Variants in DOCK5 observed in about 807,000 individuals in gnomAD.
The protein encoded by DOCK5 is dedicator of cytokinesis protein 5.
Under a neutral mutation model 251.8 loss-of-function variants are expected in DOCK5, and 142 were observed. That is an observed-to-expected ratio of 0.56 (90% CI 0.49 to 0.65). The LOEUF is 0.65. Ranked by LOEUF, DOCK5 falls within the 30% of genes least tolerant of loss-of-function variation. The pLI is 0.00. For missense variants in DOCK5, 2,111 were observed against 2,312.3 expected (o/e 0.91, Z 1.79); for synonymous variants, 842 against 835.5 (o/e 1.01, Z -0.13).
chr8:25,374,541 C>G, intron 36 of DOCK5, 23 bp from the exon 37 acceptor site: 11 of 1,584,340 alleles, frequency 6.9e-6, no homozygotes, highest in African/African-American at 1.4e-5. Context: ...TGACAAAATG[C>G]TTCCTTCTCC....
intron 28 of DOCK5, among the ~76,000 whole-genome samples, chr8:25,360,858 C>G (rs1800665374): frequency 6.6e-6 from 1 of 151,978 alleles, no homozygotes; most frequent in Non-Finnish European, 1.5e-5. Flanking sequence ...AATTTGGCTC[C>G]ATTGTTAAGT....
At chr8:25,278,742 C>A in intron 5 of DOCK5, 77 bp downstream of exon 5, 1 of 1,322,858 alleles carries the variant, frequency 7.6e-7, no homozygotes, top group Non-Finnish European at 1.1e-6. Context: ...AGGGTGTTGG[C>A]CCCTTATTGC....
intron 1 of DOCK5, among the ~76,000 whole-genome samples, chr8:25,205,168 G>A (rs1417405490): frequency 6.6e-6 from 1 of 152,190 alleles, no homozygotes; most frequent in East Asian, 1.9e-4. Flanking sequence ...AAAATGCTTG[G>A]ATTACAGGTG....
intron 16 of DOCK5, among the ~76,000 whole-genome samples, chr8:25,321,892 A>G (rs1326219979): frequency 6.6e-6 from 1 of 152,212 alleles, no homozygotes; most frequent in Non-Finnish European, 1.5e-5. Flanking sequence ...CTAGACGTTC[A>G]CAATGCGTGT....
At chr8:25,386,031 T>C (rs1339969426) in intron 40 of DOCK5, among the ~76,000 whole-genome samples, 1 of 152,056 alleles carries the variant, frequency 6.6e-6, no homozygotes, top group African/African-American at 2.4e-5. Context: ...TATAGGAGAA[T>C]GGGGCAGGTG....
At chr8:25,345,881 G>A (rs1417280174) in intron 26 of DOCK5, among the ~76,000 whole-genome samples, 3 of 151,684 alleles carry the variant, frequency 2.0e-5, no homozygotes, top group Non-Finnish European at 4.4e-5. Flanking sequence ...AGGGAGTCTC[G>A]CTCTGTCGCC....
At chr8:25,337,225 G>C (rs1401115030) in intron 22 of DOCK5, among the ~76,000 whole-genome samples, 1 of 151,962 alleles carries the variant, frequency 6.6e-6, no homozygotes, top group Non-Finnish European at 1.5e-5. Flanking sequence ...AAAGAATTTT[G>C]ATACAGACGC....
intron 30 of DOCK5, 185 bp downstream of exon 30, chr8:25,364,889 G>T: frequency 4.3e-6 from 2 of 466,056 alleles, no homozygotes; most frequent in South Asian, 4.0e-5. Context: ...AATAGGGGTG[G>T]TTTCTTCTTT....
At chr8:25,187,715 C>T (rs960758359) in intron 1 of DOCK5, among the ~76,000 whole-genome samples, 1 of 152,064 alleles carries the variant, frequency 6.6e-6, no homozygotes, top group Non-Finnish European at 1.5e-5. Context: ...TCTCTCGAGG[C>T]TTCTTTCACT....
rs183443521 is a variant in DOCK5, at chr8:25,229,002, G to A, written c.44-14672G>A. On this transcript the variant is annotated intron_variant, in intron 1 of 51. Transcript: ENST00000276440. ...TCCCAGCACTCGGGGAGGCCAAGAC[G>A]GGAGGATCACTTGAGCCCAGGAGTT... 2.6e-3 allele frequency among the ~76,000 whole-genome samples: 389 copies of A among 151,504 alleles called. 3 individuals carry two copies. The highest frequency in any genetic ancestry group is 8.9e-3 in the African/African-American group (366 of 41,232).
At chr8:25,352,887 A>G (rs553449749) in intron 27 of DOCK5, among the ~76,000 whole-genome samples, 1 of 152,192 alleles carries the variant, frequency 6.6e-6, no homozygotes, top group South Asian at 2.1e-4. Flanking sequence ...TTTAAATAAG[A>G]TGATTAGGAA....
intron 1 of DOCK5, among the ~76,000 whole-genome samples, chr8:25,190,776 GTTTTT>G (rs71214554): frequency 1.6e-5 from 1 of 63,412 alleles, no homozygotes. Context: ...TTGGTCATGG[GTTTTT>G]TTTTTTTTTT....
At position 25,213,096 on chromosome 8, in the gene DOCK5, G is replaced by C. The variant is rs1488020821; in HGVS notation, c.43+28145G>C. Among the ~76,000 whole-genome samples, 2 of 18,672 alleles carry C rather than the reference G, an allele frequency of 1.1e-4. 1 individual carries two copies. The highest frequency in any genetic ancestry group is 2.2e-3 in the East Asian group (2 of 914). The allele number at this position is 18,672 out of a possible 152,430, so 12.2% of individuals were successfully genotyped here. On this transcript the variant is annotated intron_variant, in intron 1 of 51. Coordinates refer to ENST00000276440, the MANE Select transcript of DOCK5 (RefSeq NM_024940.8). Reference sequence around the variant, plus strand: ...TGACTGGGCTCTCGGTAGAGTGGCAGGGCGTGTGTGTTGGAATGGAAGATG... The same window carrying C: ...TGACTGGGCTCTCGGTAGAGTGGCACGGCGTGTGTGTTGGAATGGAAGATG...
chr8:25,272,984 C>T (rs944118628), intron 3 of DOCK5, among the ~76,000 whole-genome samples: 1 of 152,128 alleles, frequency 6.6e-6, no homozygotes, highest in African/African-American at 2.4e-5. Context: ...TGGCTTATTT[C>T]ACTTAGTGTA....
chr8:25,312,223 T>A (rs1805117736), intron 13 of DOCK5, among the ~76,000 whole-genome samples: 1 of 152,058 alleles, frequency 6.6e-6, no homozygotes, highest in South Asian at 2.1e-4. Context: ...AAAAAAAAAA[T>A]TAGTAGTAAT....
chr8:25,191,193 C>A (rs570804159), intron 1 of DOCK5, among the ~76,000 whole-genome samples: 1 of 152,190 alleles, frequency 6.6e-6, no homozygotes, highest in African/African-American at 2.4e-5. Flanking sequence ...TTAAAACTTT[C>A]TTTTTGCAAT....
chr8:25,197,093 A>G (rs1801747930), intron 1 of DOCK5, among the ~76,000 whole-genome samples: 1 of 140,026 alleles, frequency 7.1e-6, no homozygotes, highest in African/African-American at 2.5e-5. Flanking sequence ...AACAGGTAAA[A>G]TCACCCAGAA....
chr8:25,332,171 C>A, intron 18 of DOCK5, 80 bp from the exon 19 acceptor site: 3 of 1,059,314 alleles, frequency 2.8e-6, no homozygotes, highest in South Asian at 2.8e-5. Context: ...ATTACCTGTT[C>A]TAGAGAATTC....
chr8:25,377,263 T>C (rs1018282137), intron 37 of DOCK5, 42 bp from the exon 38 acceptor site: 1 of 1,567,190 alleles, frequency 6.4e-7, no homozygotes, highest in Non-Finnish European at 8.6e-7. Context: ...GGGGGCTGAA[T>C]ATTTGTTGTA....
Sources: gnomAD v4.1 joint callset for allele counts (sites outside exome capture counted in the v4.1 genomes callset) on GRCh38, gnomAD v4.1.1 for gene constraint, MANE v1.5 for transcripts, NCBI Gene and HGNC (gene_info 2026-07-23, HGNC 2026-07-21) for gene names.